GLIS3: variants seen among roughly 807,000 people sequenced by gnomAD.
GLIS3 encodes the protein zinc finger protein GLIS3.
A neutral mutation model predicts 78.6 loss-of-function variants in GLIS3; 53 were observed. The ratio of observed to expected loss-of-function variants is 0.67; its 90% CI spans 0.54 to 0.85. The LOEUF (loss-of-function observed/expected upper bound fraction) is 0.85. GLIS3 is among the 40% of genes least tolerant of loss of function. The pLI, the probability that GLIS3 is intolerant of heterozygous loss-of-function variation, is 0.00. For missense variants in GLIS3, 1,703 were observed against 1,231.1 expected (o/e 1.38, Z -5.74); for synonymous variants, 684 against 509.9 (o/e 1.34, Z -4.60).
the GLIS3 span, among the ~76,000 whole-genome samples, chr9:4,423,317 C>T: frequency 3.9e-5 from 6 of 152,250 alleles, no homozygotes; most frequent in Middle Eastern, 3.4e-3. Flanking sequence ...CACGGAAGGG[C>T]GGCTATTTCC....
At chr9:4,076,445 G>A (rs1828061339) in intron 4 of GLIS3, among the ~76,000 whole-genome samples, 1 of 152,066 alleles carries the variant, frequency 6.6e-6, no homozygotes. Flanking sequence ...CATACCTAAA[G>A]TTTTGTTCTG....
chr9:3,962,952 G>C (rs911495299), intron 4 of GLIS3, among the ~76,000 whole-genome samples: 5 of 150,996 alleles, frequency 3.3e-5, no homozygotes, highest in African/African-American at 9.8e-5. Flanking sequence ...TTTAAGGGGG[G>C]GGGGGGGAGA....
intron 2 of GLIS3, among the ~76,000 whole-genome samples, chr9:4,334,777 T>C (rs1024188957): frequency 6.6e-6 from 1 of 152,176 alleles, no homozygotes; most frequent in Non-Finnish European, 1.5e-5. Context: ...ACAGCGAACC[T>C]GGGGCTTGTC....
At chr9:4,366,894 G>A in the GLIS3 span, among the ~76,000 whole-genome samples, 4 of 152,190 alleles carry the variant, frequency 2.6e-5, no homozygotes, top group East Asian at 7.7e-4. Context: ...AAAATTACAG[G>A]CTCGTGGAAG....
At chr9:4,307,985 G>T (rs1430689917) in intron 4 of GLIS3, among the ~76,000 whole-genome samples, 2 of 152,158 alleles carry the variant, frequency 1.3e-5, no homozygotes, top group Non-Finnish European at 2.9e-5. Context: ...GAAAAGTAAT[G>T]CACTTTCTCA....
intron 2 of GLIS3, among the ~76,000 whole-genome samples, chr9:4,283,365 A>G (rs1239129894): frequency 1.3e-5 from 2 of 151,402 alleles, no homozygotes; most frequent in Non-Finnish European, 2.9e-5. Flanking sequence ...TCCCAGGCTC[A>G]AGCAATTCTC....
chr9:4,249,350 T>G (rs147555408), intron 2 of GLIS3, among the ~76,000 whole-genome samples: 27 of 152,314 alleles, frequency 1.8e-4, no homozygotes, highest in African/African-American at 5.8e-4. Context: ...CCCTTCTAAG[T>G]TGGATTCCTA....
chr9:4,299,514 G>C lies in GLIS3; in HGVS notation c.-192C>G, dbSNP rs1263992233. 1 of 152,592 alleles carries C rather than the reference G, an allele frequency of 6.6e-6. No individual in the cohort carries two copies. The highest frequency in any genetic ancestry group is 1.5e-5 in the Non-Finnish European group (1 of 68,032). 9.5% of individuals were successfully genotyped at this position (152,592 alleles called of 1,614,324 possible). A position where few individuals can be genotyped will look rare whatever the true frequency, so the allele number is the denominator to read the frequency against. ...GACAGCGGGCGGCCGGCGCTGGCGA[G>C]GAGTAACTTGGGGCTCCAGCCCTTC... On this transcript the variant is annotated 5_prime_UTR_variant, in exon 1 of 11. Transcript: ENST00000381971.
At chr9:4,330,053 T>G (rs1192748587) in intron 2 of GLIS3, among the ~76,000 whole-genome samples, 1 of 152,200 alleles carries the variant, frequency 6.6e-6, no homozygotes, top group Non-Finnish European at 1.5e-5. Flanking sequence ...TTAATGAAAA[T>G]TAACACTTTC....
chr9:4,288,233 A>G (rs1828162984), intron 1 of GLIS3, among the ~76,000 whole-genome samples: 1 of 152,206 alleles, frequency 6.6e-6, no homozygotes, highest in Admixed American at 6.5e-5. Context: ...GCCAGATAAA[A>G]TTGGCCATCT....
At chr9:4,206,786 T>C (rs1819920079) in intron 2 of GLIS3, among the ~76,000 whole-genome samples, 1 of 151,992 alleles carries the variant, frequency 6.6e-6, no homozygotes, top group African/African-American at 2.4e-5. Context: ...TACCAAGAGC[T>C]GAACTGTTTA....
chr9:3,932,248 A>G, intron 6 of GLIS3, 112 bp downstream of exon 6: 1 of 794,836 alleles, frequency 1.3e-6, no homozygotes. Context: ...GGTCTAAAGC[A>G]GGTTATACCA....
chr9:3,883,579 C>T (rs780241239), intron 7 of GLIS3, among the ~76,000 whole-genome samples: 26 of 152,178 alleles, frequency 1.7e-4, no homozygotes, highest in South Asian at 2.1e-4. Flanking sequence ...TGTGGCCTAT[C>T]GATCAAAACA....
intron 4 of GLIS3, among the ~76,000 whole-genome samples, chr9:3,952,960 T>A (rs536813939): frequency 6.6e-6 from 1 of 152,350 alleles, no homozygotes; most frequent in African/African-American, 2.4e-5. Flanking sequence ...GAGTCTTATT[T>A]ATGTTTAATT....
chr9:4,467,158 C>A, the GLIS3 span, among the ~76,000 whole-genome samples: 1 of 152,150 alleles, frequency 6.6e-6, no homozygotes, highest in Non-Finnish European at 1.5e-5. Flanking sequence ...TGGAGCCCAC[C>A]ACAGCTCAAG....
At chr9:4,240,195 TG>T (rs33916740) in intron 2 of GLIS3, among the ~76,000 whole-genome samples, 50,820 of 138,574 alleles carry the variant, frequency 0.37, 9,579 homozygotes, top group East Asian at 0.57. Flanking sequence ...GTGGGGGAGG[TG>T]GGGGGGGGGG....
chr9:4,236,584 T>A (rs1231952865), intron 2 of GLIS3, among the ~76,000 whole-genome samples: 2 of 152,130 alleles, frequency 1.3e-5, no homozygotes, highest in South Asian at 2.1e-4. Flanking sequence ...GAAAAAAATA[T>A]CTGAAACTTA....
chr9:3,896,108 T>C (rs80266615), intron 7 of GLIS3, among the ~76,000 whole-genome samples: 2,221 of 152,336 alleles, frequency 0.015, 42 homozygotes, highest in African/African-American at 0.048. Flanking sequence ...TGAAGTTTCC[T>C]TTTGCACCTT....
chr9:3,897,983 T>G (rs1440650071), intron 7 of GLIS3, among the ~76,000 whole-genome samples: 6 of 152,182 alleles, frequency 3.9e-5, no homozygotes, highest in Admixed American at 3.9e-4. Flanking sequence ...GTAAGAGTGT[T>G]CCATATGTAA....
Sources: gnomAD v4.1 joint callset for allele counts (sites outside exome capture counted in the v4.1 genomes callset) on GRCh38, gnomAD v4.1.1 for gene constraint, MANE v1.5 for transcripts, NCBI Gene and HGNC (gene_info 2026-07-23, HGNC 2026-07-21) for gene names.